CSGALNACT1: variants seen among roughly 807,000 people sequenced by gnomAD.
The protein encoded by CSGALNACT1 is beta4GalNAcT-1.
CSGALNACT1 carries 52 observed loss-of-function variants against 51.0 expected under a neutral mutation model. That is an observed-to-expected ratio of 1.02 (90% CI 0.82 to 1.29). The LOEUF is 1.29. Ranked by LOEUF, CSGALNACT1 falls within the 50% of genes most tolerant of loss-of-function variation. CSGALNACT1 has a pLI of 0.00. For missense variants in CSGALNACT1, 935 were observed against 679.2 expected (o/e 1.38, Z -4.19); for synonymous variants, 341 against 254.4 (o/e 1.34, Z -3.24).
intron 1 of CSGALNACT1, among the ~76,000 whole-genome samples, chr8:19,642,776 G>A (rs2056872999): frequency 6.8e-6 from 1 of 148,012 alleles, no homozygotes; most frequent in African/African-American, 2.5e-5. Flanking sequence ...GTGACAAAGT[G>A]AGACCCTGTC....
At chr8:19,649,379 C>T (rs2057569003) in intron 1 of CSGALNACT1, among the ~76,000 whole-genome samples, 1 of 152,098 alleles carries the variant, frequency 6.6e-6, no homozygotes, top group East Asian at 1.9e-4. Context: ...CTCCCTGAAT[C>T]TTTGGTATTC....
chr8:19,558,064 G>A (rs1045071278), intron 3 of CSGALNACT1, among the ~76,000 whole-genome samples: 1 of 152,178 alleles, frequency 6.6e-6, no homozygotes, highest in African/African-American at 2.4e-5. Flanking sequence ...TCTTGGACAA[G>A]GAAATTGTAC....
intron 3 of CSGALNACT1, among the ~76,000 whole-genome samples, chr8:19,580,018 G>C (rs144034428): frequency 1.3e-5 from 2 of 152,306 alleles, no homozygotes; most frequent in African/African-American, 4.8e-5. Context: ...CAAAACTTGA[G>C]GGGTTAAGGA....
rs755781996 is a variant in CSGALNACT1 at position 19,408,573 on chromosome 8, G to A, written c.1309+40C>T. 30 of 1,519,944 alleles carry A rather than the reference G, an allele frequency of 2.0e-5. No individual in the cohort carries two copies. The South Asian group carries it at 2.5e-4, about 12-fold the overall frequency. The allele number at this position is 1,519,944 out of a possible 1,614,324, so 94.2% of individuals were successfully genotyped here. ...ATTCCTTCAAGGCCTACATGGGCCC[G>A]TGGCCTCTGGGTGGCAGTAGAGATG... On this transcript the variant is annotated intron_variant, in intron 9 of 9. Transcript: ENST00000454498.
intron 3 of CSGALNACT1, among the ~76,000 whole-genome samples, chr8:19,520,082 TAAAC>T (rs1284092157): frequency 6.6e-6 from 1 of 152,168 alleles, no homozygotes; most frequent in African/African-American, 2.4e-5. Context: ...TAAGACAAAA[TAAAC>T]AGCCTAACTC....
chr8:19,727,222 G>T (rs1564477051), intron 1 of CSGALNACT1, among the ~76,000 whole-genome samples: 1 of 151,870 alleles, frequency 6.6e-6, no homozygotes, highest in East Asian at 1.9e-4. Flanking sequence ...GCATGAAGGA[G>T]AAAAAAAATG....
At chr8:19,462,658 CCA>C (rs1563535723) in intron 4 of CSGALNACT1, among the ~76,000 whole-genome samples, 1 of 152,182 alleles carries the variant, frequency 6.6e-6, no homozygotes, top group Non-Finnish European at 1.5e-5. Flanking sequence ...CAGGCTCACC[CCA>C]CACACCACAA....
chr8:19,409,231 A>G (rs1478936365), intron 8 of CSGALNACT1, among the ~76,000 whole-genome samples: 1 of 152,204 alleles, frequency 6.6e-6, no homozygotes, highest in African/African-American at 2.4e-5. Flanking sequence ...AGACTTCAGT[A>G]TGTTACCAGC....
At chr8:19,553,607 A>G (rs1380097300) in intron 3 of CSGALNACT1, among the ~76,000 whole-genome samples, 1 of 140,798 alleles carries the variant, frequency 7.1e-6, no homozygotes, top group Non-Finnish European at 1.5e-5. Context: ...AAATACATTT[A>G]TGTATATAAA....
At position 19,410,681 on chromosome 8, in the gene CSGALNACT1, C is replaced by T. The variant is rs73667648; in HGVS notation, c.1228-1987G>A. On this transcript the variant is annotated intron_variant, in intron 8 of 9. Coordinates refer to ENST00000454498, the Ensembl canonical transcript of CSGALNACT1. ...GTGAAGGGGGACCCTCACATGGGAA[C>T]AGCGTGATGGAGGCAGTCTGGCTTA... 3.0e-3 allele frequency among the ~76,000 whole-genome samples: 462 copies of T among 152,320 alleles called. 3 individuals carry two copies. Among genetic ancestry groups the T allele is most frequent in the African/African-American group, 0.011 (440 of 41,570 alleles).
At chr8:19,515,707 T>C (rs2079387828) in intron 3 of CSGALNACT1, among the ~76,000 whole-genome samples, 1 of 151,756 alleles carries the variant, frequency 6.6e-6, no homozygotes, top group Admixed American at 6.6e-5. Flanking sequence ...AGAAACAGAC[T>C]CAAGTCCTAT....
chr8:19,633,463 C>T (rs965261154), intron 1 of CSGALNACT1, among the ~76,000 whole-genome samples: 2 of 152,166 alleles, frequency 1.3e-5, no homozygotes, highest in East Asian at 3.9e-4. Flanking sequence ...AGGCTCATCG[C>T]AGATATAATG....
At chr8:19,520,313 A>G (rs925525412) in intron 3 of CSGALNACT1, among the ~76,000 whole-genome samples, 3 of 152,242 alleles carry the variant, frequency 2.0e-5, no homozygotes, top group African/African-American at 7.2e-5. Context: ...AGGGAAAAAT[A>G]ACAAGAGGAA....
At position 19,582,257 on chromosome 8, in the gene CSGALNACT1, T is replaced by G. The variant is rs562699977; in HGVS notation, c.-297+8903A>C. 2.6e-5 allele frequency among the ~76,000 whole-genome samples: 4 copies of G among 152,252 alleles called. No individual in the cohort carries two copies. In the South Asian group the frequency reaches 8.3e-4, roughly 32 times the overall value. On this transcript the variant is annotated intron_variant, in intron 3 of 9. Transcript: ENST00000454498. ...ATATTAGAAGAACATGATTAAAGTA[T>G]TCACAGATAATTCAAAGACACCAAC...
intron 1 of CSGALNACT1, among the ~76,000 whole-genome samples, chr8:19,711,407 T>C (rs1366063708): frequency 1.3e-5 from 2 of 152,100 alleles, no homozygotes; most frequent in Admixed American, 1.3e-4. Flanking sequence ...TTTAAGACAA[T>C]TCACTTTGGT....
At chr8:19,663,032 G>T (rs113310187) in intron 1 of CSGALNACT1, among the ~76,000 whole-genome samples, 197 of 152,314 alleles carry the variant, frequency 1.3e-3, no homozygotes, top group Middle Eastern at 6.8e-3. Flanking sequence ...CCTGGAAGGG[G>T]TTGCAAAGAA....
At chr8:19,612,332 A>T (rs1331532864) in intron 1 of CSGALNACT1, among the ~76,000 whole-genome samples, 3 of 149,454 alleles carry the variant, frequency 2.0e-5, no homozygotes, top group African/African-American at 7.6e-5. Flanking sequence ...GGCAGGATGA[A>T]TCCCTGTCTC....
At chr8:19,525,821 G>C (rs983476708) in intron 3 of CSGALNACT1, among the ~76,000 whole-genome samples, 1 of 151,948 alleles carries the variant, frequency 6.6e-6, no homozygotes, top group Non-Finnish European at 1.5e-5. Flanking sequence ...CCAGCACCTT[G>C]GCAGTGCCAG....
intron 1 of CSGALNACT1, among the ~76,000 whole-genome samples, chr8:19,608,159 T>A (rs905387308): frequency 1.3e-5 from 2 of 152,158 alleles, no homozygotes; most frequent in Non-Finnish European, 2.9e-5. Flanking sequence ...GCACAACCCT[T>A]CATTCAGAAA....
Sources: allele counts gnomAD v4.1 joint callset (sites outside exome capture counted in the v4.1 genomes callset), GRCh38; gene constraint gnomAD v4.1.1; transcripts MANE v1.5; gene names NCBI Gene and HGNC (gene_info 2026-07-23, HGNC 2026-07-21).